Variants in PRKAR2A observed in about 807,000 individuals in gnomAD.
PRKAR2A encodes protein kinase cAMP-dependent type II regulatory subunit alpha.
Under a neutral mutation model 51.9 loss-of-function variants are expected in PRKAR2A, and 29 were observed. The observed-to-expected ratio is 0.56, with a 90% CI of 0.42 to 0.76. PRKAR2A has a LOEUF of 0.76. PRKAR2A is among the 30% of genes least tolerant of loss of function. PRKAR2A has a pLI of 0.00. For synonymous variants in PRKAR2A, 178 were observed against 186.2 expected (o/e 0.96, Z 0.36); for missense variants, 445 against 512.1 (o/e 0.87, Z 1.26).
chr3:48,810,271 CAT>C (rs1412767189), intron 1 of PRKAR2A, among the ~76,000 whole-genome samples: 1 of 151,920 alleles, frequency 6.6e-6, no homozygotes, highest in Non-Finnish European at 1.5e-5. Context: ...TGAATATATA[CAT>C]ATATTTGTGT....
intron 6 of PRKAR2A, among the ~76,000 whole-genome samples, chr3:48,768,330 T>TAGATAGATAGACAGAC (rs1553666203): frequency 4.2e-4 from 63 of 150,742 alleles, no homozygotes; most frequent in African/African-American, 1.5e-3. Flanking sequence ...GATAGATAGA[T>TAGATAGATAGACAGAC]AGATAGATAG....
chr3:48,828,790 A>C lies in PRKAR2A; in HGVS notation c.262+18545T>G, dbSNP rs191880930. Reference sequence around the variant, plus strand: ...TAAGCCTTTTTTTTATTTTTTTACCAGGTGCAGTGGTTCATGCCCATAATC... The same window carrying C: ...TAAGCCTTTTTTTTATTTTTTTACCCGGTGCAGTGGTTCATGCCCATAATC... On this transcript the variant is annotated intron_variant, in intron 1 of 10. Transcript: ENST00000265563. Among the ~76,000 whole-genome samples the C allele has an allele frequency of 1.4e-3, 210 of 149,914 alleles. 1 individual carries two copies. Among genetic ancestry groups the C allele is most frequent in the Admixed American group, 0.011 (162 of 15,004 alleles).
intron 6 of PRKAR2A, among the ~76,000 whole-genome samples, chr3:48,771,503 G>C (rs2082028153): frequency 6.6e-6 from 1 of 152,192 alleles, no homozygotes; most frequent in Non-Finnish European, 1.5e-5. Flanking sequence ...AGTGTCTGGA[G>C]ATCTGTTATT....
intron 1 of PRKAR2A, among the ~76,000 whole-genome samples, chr3:48,827,269 A>C (rs1284292739): frequency 6.6e-6 from 1 of 152,090 alleles, no homozygotes; most frequent in East Asian, 1.9e-4. Flanking sequence ...AGTCACCAAA[A>C]ACAAAGCTCC....
chr3:48,799,040 T>C (rs1051700807), intron 2 of PRKAR2A, among the ~76,000 whole-genome samples: 1 of 152,174 alleles, frequency 6.6e-6, no homozygotes, highest in Non-Finnish European at 1.5e-5. Context: ...TTCTCCTTAG[T>C]CCTGGTCCTA....
At position 48,847,579 on chromosome 3, in the gene PRKAR2A, G is replaced by T. The variant is rs750807469; in HGVS notation, c.18C>A (p.Ile6=). 1 of 1,538,436 alleles carries T rather than the reference G, an allele frequency of 6.5e-7. No homozygotes were observed. Among genetic ancestry groups the T allele is most frequent in the Non-Finnish European group, 8.7e-7 (1 of 1,148,342 alleles). MSHIQ[I]PPGLTELLQG... ...GCAGCAGCTCCGTGAGCCCCGGCGG[G>T]ATCTGGATGTGGCTCATGCCGGCGG... Residue 6 remains isoleucine (I), a synonymous_variant, in exon 1 of 11, where the codon ATC becomes ATA. Transcript: ENST00000265563. This position sits in a 1 kb window ranked among gnomAD's most constrained non-coding sequence, Gnocchi z 4.4.
intron 1 of PRKAR2A, among the ~76,000 whole-genome samples, chr3:48,825,898 G>A (rs2083055401): frequency 1.3e-5 from 2 of 152,162 alleles, no homozygotes; most frequent in African/African-American, 2.4e-5. Context: ...AAGGCAAGAT[G>A]CCCAACAAGA....
intron 1 of PRKAR2A, among the ~76,000 whole-genome samples, chr3:48,819,513 T>C (rs1559640204): frequency 6.6e-6 from 1 of 152,318 alleles, no homozygotes; most frequent in East Asian, 1.9e-4. Context: ...ATCTGAGTCA[T>C]CTAAATTTGA....
intron 1 of PRKAR2A, among the ~76,000 whole-genome samples, chr3:48,826,761 T>C (rs1261772188): frequency 6.6e-6 from 1 of 151,914 alleles, no homozygotes; most frequent in Non-Finnish European, 1.5e-5. Context: ...CTTGGAAAAT[T>C]CCAAAGGTTT....
chr3:48,817,358 A>C (rs2082890605), intron 1 of PRKAR2A, among the ~76,000 whole-genome samples: 1 of 145,502 alleles, frequency 6.9e-6, no homozygotes, highest in South Asian at 2.2e-4. Flanking sequence ...TAAATAAATA[A>C]ATAAATAAAT....
chr3:48,783,273 A>G (rs2082233077), intron 4 of PRKAR2A, among the ~76,000 whole-genome samples, 181 bp from the exon 5 acceptor site: 1 of 152,168 alleles, frequency 6.6e-6, no homozygotes, highest in Non-Finnish European at 1.5e-5. Context: ...CATGTACCTC[A>G]GCAGACAGCA....
At chr3:48,844,514 G>T (rs2107473643) in intron 1 of PRKAR2A, among the ~76,000 whole-genome samples, 1 of 151,638 alleles carries the variant, frequency 6.6e-6, no homozygotes, top group East Asian at 1.9e-4. Flanking sequence ...TATAAATCAT[G>T]CTGCTATAAA....
intron 2 of PRKAR2A, among the ~76,000 whole-genome samples, chr3:48,802,050 T>C (rs1366955937): frequency 6.6e-6 from 1 of 152,076 alleles, no homozygotes; most frequent in Non-Finnish European, 1.5e-5. Context: ...GCTGGGATTA[T>C]AGGCGCCTGC....
At chr3:48,761,390 G>A (rs1191209834) in intron 8 of PRKAR2A, among the ~76,000 whole-genome samples, 2 of 152,140 alleles carry the variant, frequency 1.3e-5, no homozygotes, top group African/African-American at 2.4e-5. Context: ...CATTAGCCAC[G>A]AGTCAAATGT....
At chr3:48,835,457 C>T (rs945349469) in intron 1 of PRKAR2A, among the ~76,000 whole-genome samples, 4 of 151,752 alleles carry the variant, frequency 2.6e-5, no homozygotes, top group African/African-American at 7.3e-5. Flanking sequence ...CTGGCTAACA[C>T]GGTGAAACCC....
At chr3:48,753,972 A>G (rs868773135) in intron 9 of PRKAR2A, among the ~76,000 whole-genome samples, 1 of 143,198 alleles carries the variant, frequency 7.0e-6, no homozygotes. Context: ...ATCTCAGCTC[A>G]CTGCAAGCTC....
chr3:48,814,891 C>T (rs1292616204), intron 1 of PRKAR2A, among the ~76,000 whole-genome samples: 1 of 152,086 alleles, frequency 6.6e-6, no homozygotes, highest in African/African-American at 2.4e-5. Context: ...GCTGCAGTTT[C>T]AATTTACCAG....
At chr3:48,788,053 T>C (rs551900281) in intron 4 of PRKAR2A, among the ~76,000 whole-genome samples, 3 of 152,256 alleles carry the variant, frequency 2.0e-5, no homozygotes, top group African/African-American at 4.8e-5. Flanking sequence ...TTTTTTGAGA[T>C]GGAATCTCAT....
intron 1 of PRKAR2A, among the ~76,000 whole-genome samples, chr3:48,833,688 C>A (rs917844826): frequency 2.9e-5 from 4 of 139,416 alleles, no homozygotes; most frequent in African/African-American, 1.1e-4. Flanking sequence ...TCAGCCTGGG[C>A]GACAAGAGTG....
Sources: gnomAD v4.1 joint callset for allele counts (sites outside exome capture counted in the v4.1 genomes callset) on GRCh38, gnomAD v4.1.1 for gene constraint, Gnocchi (gnomAD v3.1) non-coding constraint, MANE v1.5 for transcripts, NCBI Gene and HGNC (gene_info 2026-07-23, HGNC 2026-07-21) for gene names.